Variants in ZNF391 observed in about 807,000 individuals in gnomAD.
ZNF391 encodes the protein zinc finger protein 391.
For synonymous variants in ZNF391, 126 were observed against 142.1 expected, an observed-to-expected ratio of 0.89 and a Z score of 0.80; for missense variants, 375 against 425.5, an observed-to-expected ratio of 0.88 and a Z score of 1.04.
intron 1 of ZNF391, among the ~76,000 whole-genome samples, chr6:27,383,041 A>T (rs1479084983): frequency 6.6e-6 from 1 of 152,100 alleles, no homozygotes; most frequent in Non-Finnish European, 1.5e-5. Context: ...AAGCGCTTGA[A>T]CACAGGAAGC....
At chr6:27,378,305 T>C (rs1460405107) in intron 1 of ZNF391, among the ~76,000 whole-genome samples, 2 of 152,092 alleles carry the variant, frequency 1.3e-5, no homozygotes, top group Non-Finnish European at 2.9e-5. Flanking sequence ...GTGTGAGCAA[T>C]AAAGCTTTTT....
rs1000220226 is a variant in ZNF391, at chr6:27,388,971, A to G, written c.-292A>G. On this transcript the variant is annotated 5_prime_UTR_variant, in exon 1 of 3. Coordinates refer to ENST00000244576, the MANE Select transcript of ZNF391 (RefSeq NM_001076781.3). ...TAATCCTTCCGACTTCCCCAAGCCC[A>G]GCGCACTCAGGTTCCGCTCCAAGTG... The G allele has an allele frequency of 2.2e-6, 1 of 456,356 alleles. No homozygotes were observed. Among genetic ancestry groups the G allele is most frequent in the Admixed American group, 2.4e-5 (1 of 42,476 alleles). The allele number at this position is 456,356 out of a possible 1,614,324, so 28.3% of individuals were successfully genotyped here.
chr6:27,386,433 C>A (rs75449037), upstream of ZNF391, among the ~76,000 whole-genome samples: 2,584 of 152,126 alleles, frequency 0.017, 45 homozygotes, highest in African/African-American at 0.044. Context: ...AATCAAATTA[C>A]CCTGAATAAC....
Position 27,379,428 on chromosome 6 carries a change from G to A in ZNF391, n.523+4291G>A, listed in dbSNP as rs138023114. On this transcript the variant is annotated intron_variant and non_coding_transcript_variant, in intron 1 of 2. Coordinates refer to the ZNF391 transcript ENST00000477999. ...GTGATGGGAAAGCAGAATAAATCAA[G>A]TTTTCCAGTTCTACCATATTTAGGT... Among the ~76,000 whole-genome samples the A allele has an allele frequency of 3.6e-3, 549 of 152,282 alleles. 4 individuals are homozygous for A. Among genetic ancestry groups the A allele is most frequent in the African/African-American group, 0.013 (521 of 41,560 alleles).
At position 27,401,381 on chromosome 6, in the gene ZNF391, CTG is replaced by C. The variant is rs770961137; in HGVS notation, c.1014_1015del (p.Cys338TrpfsTer19). 2.3e-5 allele frequency: 37 copies of C among 1,613,604 alleles called. No individual in the cohort carries two copies. The East Asian group carries it at 3.8e-4, about 17-fold the overall frequency. On this transcript the variant is annotated frameshift_variant, in exon 3 of 3. Coordinates refer to ENST00000244576, the MANE Select transcript of ZNF391 (RefSeq NM_001076781.3). LOFTEE classifies it high-confidence loss of function. ...TGEKPYKCND[C>X]GKAFCQSSTL... Reference sequence around the variant, plus strand: ...GGGAGAAGCCGTACAAATGTAATGACTGTGGAAAAGCCTTCTGTCAGAGTTCA... The same window carrying C: ...GGGAGAAGCCGTACAAATGTAATGACTGGAAAAGCCTTCTGTCAGAGTTCA...
At position 27,376,136 on chromosome 6, in the gene ZNF391, G is replaced by T. The variant is rs966344083; in HGVS notation, n.523+999G>T. Among the ~76,000 whole-genome samples, 17 of 152,202 alleles carry T rather than the reference G, an allele frequency of 1.1e-4. No individual in the cohort carries two copies. Among genetic ancestry groups the T allele is most frequent in the Non-Finnish European group, 2.4e-4 (16 of 68,000 alleles). On this transcript the variant is annotated intron_variant and non_coding_transcript_variant, in intron 1 of 2. Coordinates refer to the ZNF391 transcript ENST00000477999. This position sits in a 1 kb window ranked among gnomAD's most constrained non-coding sequence, Gnocchi z 4.7. ...GCCTCAATAATCACTCTCTTTAAATGTTTATTGTTTCCTTATCAATGACAT... is the reference window on the plus strand; with the variant it reads ...GCCTCAATAATCACTCTCTTTAAATTTTTATTGTTTCCTTATCAATGACAT...
upstream of ZNF391, among the ~76,000 whole-genome samples, chr6:27,385,740 A>G (rs1313946055): frequency 6.6e-6 from 1 of 152,200 alleles, no homozygotes; most frequent in Non-Finnish European, 1.5e-5. Flanking sequence ...GAAAATCAGT[A>G]AGGATATAGT....
intron 1 of ZNF391, chr6:27,389,536 G>A (rs913894067): frequency 4.7e-6 from 2 of 428,704 alleles, no homozygotes; most frequent in Non-Finnish European, 9.1e-6. Context: ...GCTTGGCCGG[G>A]CGCAGTGGCT....
At position 27,401,121 on chromosome 6, in the gene ZNF391, T is replaced by TGCA. The variant is rs1283747437; in HGVS notation, c.753_755dup (p.Ser252dup). Reference sequence around the variant, plus strand: ...ACACACTGGAGAGAATCCCTATGAATGCAGTAAATGTGGAAAAGCTTTCAG... The same window carrying TGCA: ...ACACACTGGAGAGAATCCCTATGAATGCAGCAGTAAATGTGGAAAAGCTTTCAG... On this transcript the variant is annotated inframe_insertion, in exon 3 of 3. Coordinates refer to ENST00000244576, the MANE Select transcript of ZNF391 (RefSeq NM_001076781.3). 6.2e-7 allele frequency: 1 copy of TGCA among 1,614,102 alleles called. No individual in the cohort carries two copies. The highest frequency in any genetic ancestry group is 1.3e-5 in the African/African-American group (1 of 74,942).
intron 1 of ZNF391, among the ~76,000 whole-genome samples, chr6:27,392,903 C>T (rs1761745409): frequency 6.6e-6 from 1 of 152,208 alleles, no homozygotes; most frequent in Non-Finnish European, 1.5e-5. Context: ...TAATTCCCCT[C>T]AGAGTTATTG....
chr6:27,403,023 ATTGAT>A lies in ZNF391; in HGVS notation c.*1579_*1583del, dbSNP rs1406352468. On this transcript the variant is annotated 3_prime_UTR_variant, in exon 3 of 3. Transcript: ENST00000244576. Reference sequence around the variant, plus strand: ...TGACTTTATTTGATATGGATTAATAATTGATTTCTTTCTCTCTTTCTACTGCTGCT... The same window carrying A: ...TGACTTTATTTGATATGGATTAATAATTCTTTCTCTCTTTCTACTGCTGCT... The A allele has an allele frequency of 6.6e-6, 1 of 152,134 alleles. No individual in the cohort carries two copies. Among genetic ancestry groups the A allele is most frequent in the East Asian group, 1.9e-4 (1 of 5,188 alleles). The allele number at this position is 152,134 out of a possible 1,614,324, so 9.4% of individuals were successfully genotyped here. A position where few individuals can be genotyped will look rare whatever the true frequency, so the allele number is the denominator to read the frequency against.
upstream of ZNF391, among the ~76,000 whole-genome samples, chr6:27,388,151 T>A (rs1047091459): frequency 2.6e-5 from 4 of 152,126 alleles, no homozygotes; most frequent in Admixed American, 6.5e-5. Flanking sequence ...GTCAAACCAC[T>A]CCAGTGTCCC....
At chr6:27,380,887 G>C (rs1427231894) in intron 1 of ZNF391, among the ~76,000 whole-genome samples, 1 of 152,140 alleles carries the variant, frequency 6.6e-6, no homozygotes, top group Non-Finnish European at 1.5e-5. Context: ...GGTGCTGATT[G>C]GTATGTTTAC....
Sources: gnomAD v4.1 joint callset for allele counts (sites outside exome capture counted in the v4.1 genomes callset) on GRCh38, gnomAD v4.1.1 for gene constraint, Gnocchi (gnomAD v3.1) non-coding constraint, MANE v1.5 for transcripts, NCBI Gene and HGNC (gene_info 2026-07-23, HGNC 2026-07-21) for gene names.